Variants in HECW1 observed in about 807,000 individuals in gnomAD.
HECW1 encodes the protein E3 ubiquitin-protein ligase HECW1.
HECW1 carries 61 observed loss-of-function variants against 182.3 expected under a neutral mutation model. That is an observed-to-expected ratio of 0.33 (90% CI 0.27 to 0.41). HECW1 has a LOEUF of 0.41. HECW1 is among the 10% of genes least tolerant of loss of function. The pLI is 1.00. For synonymous variants in HECW1, 859 were observed against 832.6 expected, an observed-to-expected ratio of 1.03 and a Z score of -0.55; for missense variants, 1,739 against 2,108.9, an observed-to-expected ratio of 0.82 and a Z score of 3.44.
At chr7:43,358,237 T>C (rs1815411517) in intron 5 of HECW1, among the ~76,000 whole-genome samples, 1 of 152,208 alleles carries the variant, frequency 6.6e-6, no homozygotes, top group African/African-American at 2.4e-5. Flanking sequence ...ATTAACTAGA[T>C]AGATGGCTTA....
intron 13 of HECW1, among the ~76,000 whole-genome samples, chr7:43,456,834 A>G (rs1006088402): frequency 3.9e-5 from 6 of 152,226 alleles, no homozygotes; most frequent in Non-Finnish European, 8.8e-5. Flanking sequence ...AGACTGGTCC[A>G]CACCCATCAT....
intron 2 of HECW1, among the ~76,000 whole-genome samples, chr7:43,198,347 CAT>C (rs1357579246): frequency 1.3e-5 from 2 of 149,884 alleles, no homozygotes; most frequent in African/African-American, 2.5e-5. Context: ...ATACACTCAT[CAT>C]AGTCACACAC....
rs59026763 is a variant in HECW1 at position 43,218,203 on chromosome 7, T to C, written c.-31-25672T>C. 3.2e-3 allele frequency among the ~76,000 whole-genome samples: 480 copies of C among 152,316 alleles called. 2 individuals carry two copies. Among genetic ancestry groups the C allele is most frequent in the African/African-American group, 0.011 (454 of 41,576 alleles). On this transcript the variant is annotated intron_variant, in intron 2 of 29. Transcript: ENST00000395891. The stretch of plus-strand genomic sequence containing the variant: ...AATACCACAATGCTGGGCCATTCAG[T>C]GTAAGATATATTTAGATCACGGATT...
At chr7:43,521,411 G>T (rs1205079221) in intron 24 of HECW1, among the ~76,000 whole-genome samples, 2 of 152,170 alleles carry the variant, frequency 1.3e-5, no homozygotes, top group East Asian at 1.9e-4. Context: ...ATGGAAGACT[G>T]GAAAAAGAAA....
intron 2 of HECW1, among the ~76,000 whole-genome samples, chr7:43,174,013 A>C (rs1294210509): frequency 6.6e-6 from 1 of 151,734 alleles, no homozygotes; most frequent in East Asian, 1.9e-4. Context: ...AATTTTTTAA[A>C]ATTTTCTTGT....
chr7:43,190,117 G>GC (rs780265119), intron 2 of HECW1, among the ~76,000 whole-genome samples: 11 of 151,982 alleles, frequency 7.2e-5, no homozygotes, highest in Non-Finnish European at 1.0e-4. Context: ...TGTTTGCTTT[G>GC]TTTGTTTGTT....
intron 2 of HECW1, among the ~76,000 whole-genome samples, chr7:43,217,186 T>G (rs953794001): frequency 2.0e-5 from 3 of 152,000 alleles, no homozygotes; most frequent in Admixed American, 1.3e-4. Context: ...CTAATAAAAT[T>G]TTTTAATACT....
chr7:43,169,020 A>G (rs1425369637), intron 2 of HECW1, among the ~76,000 whole-genome samples: 1 of 152,216 alleles, frequency 6.6e-6, no homozygotes, highest in Admixed American at 6.5e-5. Flanking sequence ...TTTTACCTGT[A>G]GTATTTAAAT....
At chr7:43,486,765 T>C (rs938101754) in intron 17 of HECW1, among the ~76,000 whole-genome samples, 1 of 152,182 alleles carries the variant, frequency 6.6e-6, no homozygotes, top group Non-Finnish European at 1.5e-5. Flanking sequence ...ATGAACAATA[T>C]GTAATGAATG....
chr7:43,466,993 C>A (rs569812660), intron 15 of HECW1, among the ~76,000 whole-genome samples: 10 of 152,250 alleles, frequency 6.6e-5, no homozygotes, highest in African/African-American at 2.4e-4. Flanking sequence ...TTTCGAATAT[C>A]GTGCTGAAGT....
At position 43,268,354 on chromosome 7, in the gene HECW1, CAA is replaced by C. The variant is rs1418455938; in HGVS notation, c.27+24423_27+24424del. On this transcript the variant is annotated intron_variant, in intron 3 of 29. Coordinates refer to ENST00000395891, the MANE Select transcript of HECW1 (RefSeq NM_015052.5). Reference sequence around the variant, plus strand: ...GGGCTGTAGTTTAGAGATAGGCCACCAAGATTTGAATCAAAGATCTGCAGCCT... The same window carrying C: ...GGGCTGTAGTTTAGAGATAGGCCACCGATTTGAATCAAAGATCTGCAGCCT... Among the ~76,000 whole-genome samples the C allele has an allele frequency of 3.9e-5, 6 of 152,352 alleles. No individual in the cohort carries two copies. The East Asian group carries it at 9.6e-4, about 24-fold the overall frequency.
intron 2 of HECW1, among the ~76,000 whole-genome samples, chr7:43,204,826 A>G (rs1795315053): frequency 6.6e-6 from 1 of 152,302 alleles, no homozygotes; most frequent in Middle Eastern, 3.4e-3. Flanking sequence ...GACAGGACAT[A>G]GTTTTGCCAA....
At chr7:43,482,860 ACAC>A (rs2078488079) in intron 17 of HECW1, among the ~76,000 whole-genome samples, 13 of 152,110 alleles carry the variant, frequency 8.5e-5, no homozygotes, top group Admixed American at 8.5e-4. Flanking sequence ...AAATGTGTTC[ACAC>A]CACTGCACTC....
intron 24 of HECW1, among the ~76,000 whole-genome samples, chr7:43,531,588 GA>G (rs761577252): frequency 1.5e-4 from 23 of 152,182 alleles, no homozygotes; most frequent in Non-Finnish European, 2.8e-4. Context: ...TGCATTCCTA[GA>G]AAGAGTTATC....
chr7:43,283,153 C>A (rs959748726), intron 3 of HECW1, among the ~76,000 whole-genome samples: 5 of 151,904 alleles, frequency 3.3e-5, no homozygotes, highest in Non-Finnish European at 5.9e-5. Context: ...GAAAGAAATT[C>A]TCGGTGTACA....
intron 2 of HECW1, among the ~76,000 whole-genome samples, chr7:43,171,039 G>A (rs1791633663): frequency 6.6e-6 from 1 of 152,128 alleles, no homozygotes; most frequent in Admixed American, 6.5e-5. Context: ...AGCTCAACAG[G>A]GGCACACTGT....
chr7:43,275,929 T>G (rs1180008882), intron 3 of HECW1, among the ~76,000 whole-genome samples: 1 of 152,228 alleles, frequency 6.6e-6, no homozygotes, highest in Non-Finnish European at 1.5e-5. Context: ...TACTAGATTT[T>G]TGTGGTTAAA....
chr7:43,526,180 TA>T (rs1338488791), intron 24 of HECW1, among the ~76,000 whole-genome samples: 4 of 152,228 alleles, frequency 2.6e-5, no homozygotes, highest in Non-Finnish European at 4.4e-5. Context: ...ATTGTATCAG[TA>T]CATAGATCTT....
intron 2 of HECW1, among the ~76,000 whole-genome samples, chr7:43,218,767 T>TA (rs1796670078): frequency 6.6e-6 from 1 of 151,914 alleles, no homozygotes; most frequent in Admixed American, 6.6e-5. Flanking sequence ...GATTGGAAGG[T>TA]GTATAGAGAA....
Sources: allele counts gnomAD v4.1 joint callset (sites outside exome capture counted in the v4.1 genomes callset), GRCh38; gene constraint gnomAD v4.1.1; transcripts MANE v1.5; gene names NCBI Gene and HGNC (gene_info 2026-07-23, HGNC 2026-07-21).